Variants in RBFOX3 observed in about 807,000 individuals in gnomAD.
RBFOX3 encodes the protein RNA binding fox-1 homolog 3.
RBFOX3 carries 17 observed loss-of-function variants against 48.7 expected under a neutral mutation model. The observed-to-expected ratio is 0.35, with a 90% confidence interval of 0.24 to 0.52. RBFOX3 has a LOEUF of 0.52. Among genes scored for constraint, RBFOX3 ranks in the 20% least tolerant of loss-of-function variants. The probability of loss-of-function intolerance (pLI) is 0.94; values close to 1 mark genes in which losing one functional copy is unlikely to be tolerated. For synonymous variants in RBFOX3, 212 were observed against 209.5 expected (o/e 1.01, Z -0.10); for missense variants, 382 against 497.5 (o/e 0.77, Z 2.21).
chr17:79,412,881 G>A (rs559162206), intron 2 of RBFOX3, among the ~76,000 whole-genome samples: 75 of 152,032 alleles, frequency 4.9e-4, no homozygotes, highest in African/African-American at 1.5e-3. Flanking sequence ...GTGTATGCAC[G>A]TGTTGTGTAT....
At chr17:79,536,768 T>C in intron 1 of RBFOX3, among the ~76,000 whole-genome samples, 1 of 152,214 alleles carries the variant, frequency 6.6e-6, no homozygotes, top group East Asian at 1.9e-4. Flanking sequence ...CCGTAACAAA[T>C]CACCACAAAC....
intron 4 of RBFOX3, among the ~76,000 whole-genome samples, chr17:79,132,269 G>C (rs2039101006): frequency 6.6e-6 from 1 of 151,184 alleles, no homozygotes; most frequent in Non-Finnish European, 1.5e-5. Flanking sequence ...GACTGGGGTG[G>C]GGTGGGGTGG....
intron 3 of RBFOX3, among the ~76,000 whole-genome samples, chr17:79,301,768 G>A (rs2075352587): frequency 6.6e-6 from 1 of 152,134 alleles, no homozygotes; most frequent in Admixed American, 6.5e-5. Context: ...GAAACTATAG[G>A]GCCTTAAAAA....
chr17:79,320,749 C>T (rs2078400493), intron 2 of RBFOX3, among the ~76,000 whole-genome samples: 1 of 152,170 alleles, frequency 6.6e-6, no homozygotes, highest in Non-Finnish European at 1.5e-5. Flanking sequence ...CCCGCCTGCT[C>T]TCGGTGTGAG....
chr17:79,293,290 C>A (rs551632583), intron 3 of RBFOX3, among the ~76,000 whole-genome samples: 1 of 152,172 alleles, frequency 6.6e-6, no homozygotes, highest in Non-Finnish European at 1.5e-5. Flanking sequence ...CTGCTCACAT[C>A]AAGACCGATC....
At chr17:79,624,661 CTT>C in the RBFOX3 span, among the ~76,000 whole-genome samples, 12 of 152,158 alleles carry the variant, frequency 7.9e-5, no homozygotes, top group African/African-American at 2.9e-4. Flanking sequence ...ACCTGCTTCT[CTT>C]GTGTCCAGGA....
At chr17:79,440,164 A>G (rs1685178150) in intron 2 of RBFOX3, among the ~76,000 whole-genome samples, 1 of 152,182 alleles carries the variant, frequency 6.6e-6, no homozygotes, top group Non-Finnish European at 1.5e-5. Flanking sequence ...CCGAACAGAG[A>G]TAAAGCCGTG....
chr17:79,521,928 G>A (rs2086168446), intron 1 of RBFOX3, among the ~76,000 whole-genome samples: 1 of 152,210 alleles, frequency 6.6e-6, no homozygotes, highest in Non-Finnish European at 1.5e-5. Flanking sequence ...GGACATGGGA[G>A]TTTTTCAGTG....
Position 79,096,688 on chromosome 17 carries a change from C to G in RBFOX3, c.901G>C (p.Val301Leu), listed in dbSNP as rs1465690990. Residue 301 changes from valine (V) to leucine (L), a missense_variant, in exon 12 of 15, where the codon GTG (valine) becomes CTG (leucine). Physicochemically the swap from Val to Leu is conservative, Grantham distance 32. This residue lies in a region of RBFOX3 where 215 missense variants were observed against 254.8 expected (regional missense o/e 0.84). Transcript: ENST00000693108. Reference sequence around the variant, plus strand: ...GCACCATAAAATCCATCCTGATACACGACCCTGGAAGCAAACGGACAAGAA... The same window carrying G: ...GCACCATAAAATCCATCCTGATACAGGACCCTGGAAGCAAACGGACAAGAA... The part of the protein sequence containing the change: ...PLSCPFASRV[V>L]YQDGFYGAEI... 6.4e-7 allele frequency: 1 copy of G among 1,550,560 alleles called. No homozygotes were observed. Among genetic ancestry groups the G allele is most frequent in the Non-Finnish European group, 8.7e-7 (1 of 1,146,456 alleles).
chr17:79,495,893 C>T (rs373983759), intron 1 of RBFOX3, among the ~76,000 whole-genome samples: 122 of 151,720 alleles, frequency 8.0e-4, no homozygotes, highest in African/African-American at 2.8e-3. Context: ...CCCTGCAGGC[C>T]GGGACCCTGC....
chr17:79,376,668 C>T (rs775475133), intron 2 of RBFOX3, among the ~76,000 whole-genome samples: 1 of 152,160 alleles, frequency 6.6e-6, no homozygotes, highest in Non-Finnish European at 1.5e-5. Flanking sequence ...CAGCCAGGGC[C>T]GCACGGGGGC....
the RBFOX3 span, among the ~76,000 whole-genome samples, chr17:79,664,505 C>G: frequency 4.0e-4 from 61 of 152,272 alleles, no homozygotes; most frequent in African/African-American, 1.4e-3. Context: ...CACCACCTCA[C>G]CTGGCTAATT....
At chr17:79,176,829 T>C (rs559951760) in intron 4 of RBFOX3, among the ~76,000 whole-genome samples, 1 of 151,620 alleles carries the variant, frequency 6.6e-6, no homozygotes, top group African/African-American at 2.4e-5. Flanking sequence ...AGGGAGAAGA[T>C]TAAAAGCATG....
intron 1 of RBFOX3, among the ~76,000 whole-genome samples, chr17:79,607,181 T>C (rs1298078091): frequency 2.0e-5 from 3 of 152,254 alleles, no homozygotes; most frequent in South Asian, 2.1e-4. Flanking sequence ...ATTTAGGGAA[T>C]GGTAGGTTCC....
At chr17:79,486,950 C>A (rs1027385539) in intron 1 of RBFOX3, among the ~76,000 whole-genome samples, 2 of 152,236 alleles carry the variant, frequency 1.3e-5, no homozygotes, top group African/African-American at 2.4e-5. Flanking sequence ...CCCAAAAGGT[C>A]TCCTCTCAGA....
intron 4 of RBFOX3, among the ~76,000 whole-genome samples, chr17:79,216,969 C>CA (rs1193843524): frequency 1.3e-5 from 2 of 152,180 alleles, no homozygotes; most frequent in Non-Finnish European, 2.9e-5. Context: ...AGCCCTCCTC[C>CA]AGGGGGTATC....
intron 1 of RBFOX3, among the ~76,000 whole-genome samples, chr17:79,584,671 G>A (rs1473583341): frequency 1.3e-5 from 2 of 152,144 alleles, no homozygotes; most frequent in Non-Finnish European, 2.9e-5. Context: ...ACTCAGGAAT[G>A]GAAAACCAAA....
the RBFOX3 span, among the ~76,000 whole-genome samples, chr17:79,656,268 A>C: frequency 2.0e-5 from 3 of 152,184 alleles, no homozygotes; most frequent in Non-Finnish European, 4.4e-5. Context: ...TTGTCTCCAA[A>C]GCAGCCATTG....
intron 1 of RBFOX3, among the ~76,000 whole-genome samples, chr17:79,595,320 T>C (rs1322295426): frequency 6.6e-6 from 1 of 152,212 alleles, no homozygotes; most frequent in Admixed American, 6.5e-5. Flanking sequence ...AGGCCCACCG[T>C]GCCCCAGCGA....
Sources: gnomAD v4.1 joint callset for allele counts (sites outside exome capture counted in the v4.1 genomes callset) on GRCh38, gnomAD v4.1.1 for gene constraint, gnomAD v4.1.1 regional missense constraint, MANE v1.5 for transcripts, NCBI Gene and HGNC (gene_info 2026-07-23, HGNC 2026-07-21) for gene names.